The following NRXN3 variants were observed in gnomAD, a reference collection of about 807,000 sequenced individuals.
NRXN3 encodes the protein neurexin 3.
NRXN3 carries 32 observed loss-of-function variants against 137.6 expected under a neutral mutation model. That is an observed-to-expected ratio of 0.23 (90% CI 0.18 to 0.31). NRXN3 has a LOEUF of 0.31. Among genes scored for constraint, NRXN3 ranks in the 10% least tolerant of loss-of-function variants. The pLI, the probability that NRXN3 is intolerant of heterozygous loss-of-function variation, is 1.00. For missense variants in NRXN3, 1,574 were observed against 2,062.5 expected, an observed-to-expected ratio of 0.76 and a Z score of 4.59; for synonymous variants, 798 against 784.5, an observed-to-expected ratio of 1.02 and a Z score of -0.29.
chr14:79,104,594 C>G (rs1410827424), intron 15 of NRXN3, among the ~76,000 whole-genome samples: 5 of 152,100 alleles, frequency 3.3e-5, no homozygotes, highest in African/African-American at 1.2e-4. Context: ...ACCAGACAGT[C>G]CTTTCTATTA....
intron 4 of NRXN3, among the ~76,000 whole-genome samples, chr14:78,389,438 G>T (rs1466278460): frequency 6.6e-6 from 1 of 152,176 alleles, no homozygotes; most frequent in Admixed American, 6.5e-5. Flanking sequence ...GAGCGTGAAA[G>T]CCAATGCCTG....
intron 4 of NRXN3, among the ~76,000 whole-genome samples, chr14:78,537,248 C>A (rs1236269814): frequency 1.3e-5 from 2 of 152,220 alleles, no homozygotes; most frequent in African/African-American, 2.4e-5. Context: ...TCCTATTTCT[C>A]CACATCCTCT....
rs182578251 is a variant in NRXN3 at position 78,799,739 on chromosome 14, G to A, written c.2045-3881G>A. Among the ~76,000 whole-genome samples, 413 of 152,246 alleles carry A rather than the reference G, an allele frequency of 2.7e-3. 3 individuals carry two copies. The highest frequency in any genetic ancestry group is 9.5e-3 in the African/African-American group (394 of 41,542). ...GACACCTCACAATCACAATCATGGC[G>A]GAAGTCAAAAGGCCTGTCTTATATC... On this transcript the variant is annotated intron_variant, in intron 8 of 20. Transcript: ENST00000335750.
intron 15 of NRXN3, among the ~76,000 whole-genome samples, chr14:79,286,249 A>G (rs2082233823): frequency 6.6e-6 from 1 of 152,064 alleles, no homozygotes; most frequent in African/African-American, 2.4e-5. Flanking sequence ...TGACTCCTTT[A>G]TGAACTACAG....
chr14:78,299,503 C>G (rs544436435), intron 4 of NRXN3, among the ~76,000 whole-genome samples: 12 of 57,082 alleles, frequency 2.1e-4, no homozygotes, highest in African/African-American at 9.5e-4. Context: ...CTTTTTTCCC[C>G]TCCTACATTC....
chr14:78,321,991 T>A (rs939902262), intron 4 of NRXN3, among the ~76,000 whole-genome samples: 1 of 151,976 alleles, frequency 6.6e-6, no homozygotes, highest in Non-Finnish European at 1.5e-5. Flanking sequence ...CTTTGGACTG[T>A]TCACCACTTT....
intron 15 of NRXN3, among the ~76,000 whole-genome samples, chr14:79,112,747 G>C (rs36078280): frequency 6.6e-6 from 1 of 152,136 alleles, no homozygotes; most frequent in Non-Finnish European, 1.5e-5. Flanking sequence ...TTGACCATAA[G>C]CAAATGAACA....
intron 4 of NRXN3, among the ~76,000 whole-genome samples, chr14:78,314,907 CTTTCTTTCTTTCTTT>C: frequency 9.2e-6 from 1 of 108,568 alleles, no homozygotes; most frequent in South Asian, 3.4e-4. Flanking sequence ...TTCTTTCTTT[CTTTCTTTCTTTCTTT>C]CTTTCTTTCT....
chr14:79,826,496 G>A (rs1383285792), intron 20 of NRXN3, among the ~76,000 whole-genome samples: 1 of 152,180 alleles, frequency 6.6e-6, no homozygotes, highest in Non-Finnish European at 1.5e-5. Context: ...ACATATTTAT[G>A]TAGATATGTA....
At chr14:79,596,246 A>G (rs1420985135) in intron 16 of NRXN3, among the ~76,000 whole-genome samples, 4 of 152,156 alleles carry the variant, frequency 2.6e-5, no homozygotes, top group Non-Finnish European at 2.9e-5. Context: ...AGCCTGGCTT[A>G]GTCGGAAAGA....
intron 19 of NRXN3, among the ~76,000 whole-genome samples, chr14:79,708,802 TTCC>T (rs1477550004): frequency 4.6e-5 from 7 of 152,170 alleles, no homozygotes; most frequent in African/African-American, 1.7e-4. Flanking sequence ...TCTCCTTGAT[TTCC>T]TCATCATTCA....
At chr14:78,263,294 A>G (rs1439156851) in intron 2 of NRXN3, among the ~76,000 whole-genome samples, 1 of 152,174 alleles carries the variant, frequency 6.6e-6, no homozygotes, top group Non-Finnish European at 1.5e-5. Context: ...GGAGTAAAGT[A>G]TTTGTATGAT....
chr14:79,663,901 G>A lies in NRXN3; in HGVS notation c.3568G>A (p.Ala1190Thr), dbSNP rs2098546049. The change falls in exon 17 of 21, where the codon GCC becomes ACC. Residue 1190 changes from alanine (A) to threonine (T), a missense_variant. Ala to Thr is a moderately conservative substitution (Grantham distance 58). Around this residue, in one of 5 missense-constraint regions of NRXN3, gnomAD observed 133 missense variants for 241.8 expected, o/e 0.55. Transcript: ENST00000335750. ...VVRFTRNGGN[A>T]TLQVDNWPVN... ...ACGCTTCACCAGGAACGGCGGCAAC[G>A]CCACCCTGCAGGTGGACAACTGGCC... 3 of 1,613,526 alleles carry A rather than the reference G, an allele frequency of 1.9e-6. No individual in the cohort carries two copies. Among genetic ancestry groups the A allele is most frequent in the African/African-American group, 1.3e-5 (1 of 75,006 alleles).
At chr14:79,222,916 AC>A (rs2070063038) in intron 15 of NRXN3, among the ~76,000 whole-genome samples, 1 of 152,066 alleles carries the variant, frequency 6.6e-6, no homozygotes, top group East Asian at 1.9e-4. Context: ...ATTTTGGATA[AC>A]AGTCCTTTAT....
At chr14:79,422,007 T>G (rs1235226617) in intron 15 of NRXN3, among the ~76,000 whole-genome samples, 1 of 150,568 alleles carries the variant, frequency 6.6e-6, no homozygotes, top group Non-Finnish European at 1.5e-5. Context: ...TCTTTTCTGA[T>G]CTTGCTCTTA....
At chr14:79,633,469 C>T (rs1478466076) in intron 16 of NRXN3, among the ~76,000 whole-genome samples, 1 of 151,646 alleles carries the variant, frequency 6.6e-6, no homozygotes, top group African/African-American at 2.4e-5. Flanking sequence ...GGAAATGTTC[C>T]CTTTCCCTGA....
chr14:78,321,756 A>G (rs1421473387), intron 4 of NRXN3, among the ~76,000 whole-genome samples: 1 of 152,054 alleles, frequency 6.6e-6, no homozygotes, highest in Non-Finnish European at 1.5e-5. Context: ...CAAAAGAGGT[A>G]TGTGTTTGAA....
intron 4 of NRXN3, among the ~76,000 whole-genome samples, chr14:78,641,810 A>T (rs764015140): frequency 6.6e-6 from 1 of 152,224 alleles, no homozygotes; most frequent in Non-Finnish European, 1.5e-5. Flanking sequence ...TCTTCGGTAT[A>T]GTTGCATGGA....
intron 4 of NRXN3, among the ~76,000 whole-genome samples, chr14:78,630,779 G>GTATTTT (rs1385970994): frequency 6.6e-6 from 1 of 151,868 alleles, no homozygotes; most frequent in East Asian, 1.9e-4. Context: ...TACTTTTTCT[G>GTATTTT]TATTTTTAGT....
Sources: gnomAD v4.1 joint callset for allele counts (sites outside exome capture counted in the v4.1 genomes callset) on GRCh38, gnomAD v4.1.1 for gene constraint, gnomAD v4.1.1 regional missense constraint, MANE v1.5 for transcripts, NCBI Gene and HGNC (gene_info 2026-07-23, HGNC 2026-07-21) for gene names.